PRKG1: variants seen among roughly 807,000 people sequenced by gnomAD.
PRKG1 encodes cGMP-dependent protein kinase 1.
A neutral mutation model predicts 88.1 loss-of-function variants in PRKG1; 35 were observed. That is an observed-to-expected ratio of 0.40 (90% CI 0.30 to 0.53). The LOEUF is 0.53. PRKG1 is among the 20% of genes least tolerant of loss of function. PRKG1 has a pLI of 0.59. For missense variants in PRKG1, 540 were observed against 839.8 expected (o/e 0.64, Z 4.41); for synonymous variants, 303 against 292.5 (o/e 1.04, Z -0.37).
chr10:51,034,668 T>TTTATA (rs9299454), intron 1 of PRKG1, among the ~76,000 whole-genome samples: 8,482 of 67,846 alleles, frequency 0.13, 1,301 homozygotes, highest in East Asian at 0.16. Flanking sequence ...AATATGTTAT[T>TTTATA]TATATATATA....
chr10:51,978,464 G>T (rs1843907656), intron 5 of PRKG1, among the ~76,000 whole-genome samples: 1 of 139,704 alleles, frequency 7.2e-6, no homozygotes, highest in Non-Finnish European at 1.5e-5. Context: ...AGCTCCCTAT[G>T]AATTTTTAAA....
chr10:51,652,963 G>A (rs1840076487), intron 3 of PRKG1, among the ~76,000 whole-genome samples: 1 of 152,004 alleles, frequency 6.6e-6, no homozygotes, highest in Non-Finnish European at 1.5e-5. Context: ...GAAATCATGT[G>A]GTATTTGTCT....
chr10:51,797,819 C>G (rs1277805476), intron 3 of PRKG1, among the ~76,000 whole-genome samples: 1 of 151,612 alleles, frequency 6.6e-6, no homozygotes, highest in African/African-American at 2.4e-5. Flanking sequence ...TCCTTCCCAG[C>G]CCCCAGTAAC....
chr10:52,289,506 C>G (rs943555191), intron 16 of PRKG1, among the ~76,000 whole-genome samples: 1 of 152,038 alleles, frequency 6.6e-6, no homozygotes, highest in Non-Finnish European at 1.5e-5. Flanking sequence ...ATTGGGTTTT[C>G]TCTATTTGTT....
intron 4 of PRKG1, among the ~76,000 whole-genome samples, chr10:51,890,820 A>T (rs1253405513): frequency 2.0e-5 from 3 of 152,086 alleles, no homozygotes; most frequent in African/African-American, 7.2e-5. Flanking sequence ...GTTGAGTGTG[A>T]TGGTGCACAC....
chr10:51,279,980 A>G (rs1446044553), intron 2 of PRKG1, among the ~76,000 whole-genome samples: 2 of 152,076 alleles, frequency 1.3e-5, no homozygotes, highest in Non-Finnish European at 2.9e-5. Context: ...GATGGCCTTT[A>G]CAGTTTGGCA....
chr10:51,956,496 G>T (rs780458233), intron 5 of PRKG1, among the ~76,000 whole-genome samples: 1 of 151,960 alleles, frequency 6.6e-6, no homozygotes, highest in Non-Finnish European at 1.5e-5. Flanking sequence ...AAAGAACTTA[G>T]GATACTTTCC....
At chr10:51,221,401 A>G (rs1002769146) in intron 2 of PRKG1, among the ~76,000 whole-genome samples, 1 of 152,092 alleles carries the variant, frequency 6.6e-6, no homozygotes, top group African/African-American at 2.4e-5. Flanking sequence ...TATATTTAAG[A>G]TGTGCACAAA....
chr10:51,271,733 G>T (rs1839984862), intron 2 of PRKG1, among the ~76,000 whole-genome samples: 2 of 152,146 alleles, frequency 1.3e-5, no homozygotes, highest in South Asian at 2.1e-4. Flanking sequence ...CCATGTCCCT[G>T]CAAAGGGCAT....
At chr10:51,526,026 G>A (rs1841875485) in intron 3 of PRKG1, among the ~76,000 whole-genome samples, 1 of 152,042 alleles carries the variant, frequency 6.6e-6, no homozygotes, top group East Asian at 1.9e-4. Context: ...TGCCATGTTG[G>A]CCAGGCTGAT....
chr10:51,000,564 A>G (rs1842877709), intron 1 of PRKG1, among the ~76,000 whole-genome samples: 1 of 152,240 alleles, frequency 6.6e-6, no homozygotes, highest in Non-Finnish European at 1.5e-5. Context: ...ATGGTTCCCA[A>G]AGTGTGATGT....
At chr10:51,751,077 T>C (rs1250224178) in intron 3 of PRKG1, among the ~76,000 whole-genome samples, 1 of 152,182 alleles carries the variant, frequency 6.6e-6, no homozygotes, top group African/African-American at 2.4e-5. Context: ...TATTCACTTC[T>C]CTCCATGTCC....
At chr10:51,562,839 G>A (rs1198001795) in intron 3 of PRKG1, among the ~76,000 whole-genome samples, 1 of 152,100 alleles carries the variant, frequency 6.6e-6, no homozygotes, top group Non-Finnish European at 1.5e-5. Context: ...TGCAATCTTA[G>A]CTAACTGCAG....
At chr10:51,978,762 G>A (rs1479327939) in intron 5 of PRKG1, among the ~76,000 whole-genome samples, 1 of 151,960 alleles carries the variant, frequency 6.6e-6, no homozygotes, top group East Asian at 1.9e-4. Flanking sequence ...CTCCCAGGTT[G>A]ACTGTTGTTC....
chr10:51,946,382 C>T (rs1843035404), intron 5 of PRKG1, among the ~76,000 whole-genome samples: 2 of 152,016 alleles, frequency 1.3e-5, no homozygotes, highest in Admixed American at 1.3e-4. Context: ...CCAAAGTTTT[C>T]AGCTTCTTTG....
intron 3 of PRKG1, among the ~76,000 whole-genome samples, chr10:51,615,101 A>G (rs577756274): frequency 3.2e-4 from 47 of 146,182 alleles, no homozygotes; most frequent in Admixed American, 8.9e-4. Context: ...CCATCTTTGA[A>G]TATATTCAAC....
intron 1 of PRKG1, among the ~76,000 whole-genome samples, chr10:51,057,986 G>A (rs1843649620): frequency 6.6e-6 from 1 of 152,082 alleles, no homozygotes; most frequent in Non-Finnish European, 1.5e-5. Flanking sequence ...ACTAATAGTG[G>A]ATGAAAGTTC....
intron 4 of PRKG1, among the ~76,000 whole-genome samples, chr10:51,815,179 G>A (rs571902992): frequency 6.6e-6 from 1 of 152,290 alleles, no homozygotes; most frequent in South Asian, 2.1e-4. Flanking sequence ...GTGTGACAAA[G>A]CAGTTTAATA....
chr10:52,158,351 A>T (rs1838182608), intron 8 of PRKG1, among the ~76,000 whole-genome samples: 1 of 151,718 alleles, frequency 6.6e-6, no homozygotes, highest in Non-Finnish European at 1.5e-5. Context: ...ATAGGACCTG[A>T]GTAACTATTT....
Sources: allele counts gnomAD v4.1 joint callset (sites outside exome capture counted in the v4.1 genomes callset), GRCh38; gene constraint gnomAD v4.1.1; transcripts MANE v1.5; gene names NCBI Gene and HGNC (gene_info 2026-07-23, HGNC 2026-07-21).